The following UCHL3 variants were observed in gnomAD, a reference collection of about 807,000 sequenced individuals.
UCHL3 encodes ubiquitin C-terminal hydrolase L3.
In UCHL3, 22 loss-of-function variants were observed where a neutral mutation model predicts 35.8. That is an observed-to-expected ratio of 0.61 (90% confidence interval 0.44 to 0.88). UCHL3 has a LOEUF of 0.88. Among genes scored for constraint, UCHL3 ranks in the 40% least tolerant of loss-of-function variants. The pLI is 0.00. For missense variants in UCHL3, 229 were observed against 276.9 expected (o/e 0.83, Z 1.23); for synonymous variants, 90 against 92.8 (o/e 0.97, Z 0.17).
chr13:75,552,748 A>T (rs1240843862), intron 2 of UCHL3, among the ~76,000 whole-genome samples: 1 of 152,224 alleles, frequency 6.6e-6, no homozygotes, highest in Non-Finnish European at 1.5e-5. Flanking sequence ...TGCAGCTGAA[A>T]GTTACAGATA....
At chr13:75,569,204 C>T (rs1034606308) in intron 5 of UCHL3, 2 of 329,520 alleles carry the variant, frequency 6.1e-6, no homozygotes, top group Non-Finnish European at 5.4e-6. Context: ...ATGGCCCCTA[C>T]TTAGAGCCTG....
intron 7 of UCHL3, among the ~76,000 whole-genome samples, chr13:75,602,080 G>A (rs2032794494): frequency 6.6e-6 from 1 of 151,638 alleles, no homozygotes; most frequent in African/African-American, 2.4e-5. Context: ...CTGTACTCTA[G>A]CCTGGGCGAC....
intron 6 of UCHL3, among the ~76,000 whole-genome samples, chr13:75,573,988 C>T (rs569395312): frequency 1.8e-4 from 27 of 152,236 alleles, no homozygotes; most frequent in African/African-American, 6.0e-4. Context: ...GAGGCCGAGG[C>T]GGGCAGATCA....
chr13:75,561,695 A>G (rs2031500225), intron 3 of UCHL3, among the ~76,000 whole-genome samples: 1 of 151,928 alleles, frequency 6.6e-6, no homozygotes, highest in Non-Finnish European at 1.5e-5. Context: ...TGGGGATTAT[A>G]AATAGCTGTT....
intron 2 of UCHL3, among the ~76,000 whole-genome samples, chr13:75,557,300 A>G (rs1483910337): frequency 6.6e-6 from 1 of 152,148 alleles, no homozygotes; most frequent in East Asian, 1.9e-4. Context: ...CCTCACATAC[A>G]AGGGTCTCAA....
chr13:75,585,693 A>G (rs1321603421), intron 6 of UCHL3, among the ~76,000 whole-genome samples: 1 of 152,156 alleles, frequency 6.6e-6, no homozygotes, highest in African/African-American at 2.4e-5. Context: ...ACTATGTACT[A>G]TAAATTTATA....
At chr13:75,583,232 A>G (rs1415755076) in intron 6 of UCHL3, among the ~76,000 whole-genome samples, 1 of 152,208 alleles carries the variant, frequency 6.6e-6, no homozygotes, top group Non-Finnish European at 1.5e-5. Context: ...ATAAACAATT[A>G]CAATATATTG....
rs546461097 is a variant in UCHL3 at position 75,551,239 on chromosome 13, C to T, written c.54+1252C>T. On this transcript the variant is annotated intron_variant, in intron 2 of 8. Coordinates refer to ENST00000377595, the MANE Select transcript of UCHL3 (RefSeq NM_006002.5). ...TCACCTGAGGTCAGGAGTTCGAGAC[C>T]AGTCTGGCTGGTGAAACCCCGTCTC... is the stretch of plus-strand genomic sequence containing the variant. 5.5e-4 allele frequency among the ~76,000 whole-genome samples: 84 copies of T among 152,110 alleles called. 1 individual carries two copies. The South Asian group carries it at 0.017, about 30-fold the overall frequency.
At chr13:75,577,926 ATTG>A (rs2032072197) in intron 6 of UCHL3, among the ~76,000 whole-genome samples, 1 of 152,148 alleles carries the variant, frequency 6.6e-6, no homozygotes, top group Admixed American at 6.6e-5. Context: ...CTTATGATTT[ATTG>A]TTTAACTTTT....
At chr13:75,592,480 A>G (rs2032538032) in intron 6 of UCHL3, among the ~76,000 whole-genome samples, 1 of 87,382 alleles carries the variant, frequency 1.1e-5, no homozygotes, top group African/African-American at 3.5e-5. Flanking sequence ...AGGAAAAAAG[A>G]TCCCATCTAT....
chr13:75,566,446 A>G (rs1194181206), intron 3 of UCHL3, among the ~76,000 whole-genome samples: 2 of 152,216 alleles, frequency 1.3e-5, no homozygotes, highest in Non-Finnish European at 2.9e-5. Context: ...CTGTAACGTG[A>G]TCGTACAAAT....
chr13:75,554,851 C>G (rs1690724815), intron 2 of UCHL3, among the ~76,000 whole-genome samples: 1 of 152,116 alleles, frequency 6.6e-6, no homozygotes, highest in Non-Finnish European at 1.5e-5. Context: ...TATTTCATCA[C>G]CCAGGTACTA....
At chr13:75,602,108 C>CA (rs36015067) in intron 7 of UCHL3, among the ~76,000 whole-genome samples, 75,201 of 150,790 alleles carry the variant, frequency 0.5, 18,897 homozygotes, top group Non-Finnish European at 0.53. Flanking sequence ...GACTCTGTCT[C>CA]AAAAAAAACA....
rs141870275 is a variant in UCHL3 at position 75,566,741 on chromosome 13, G to T, written c.230G>T (p.Gly77Val). 4 of 1,603,500 alleles carry T rather than the reference G, an allele frequency of 2.5e-6. No individual in the cohort carries two copies. Among genetic ancestry groups the T allele is most frequent in the Non-Finnish European group, 3.4e-6 (4 of 1,175,282 alleles). Residue 77 changes from glycine (G) to valine (V), a missense_variant, in exon 4 of 9, where the codon GGA (glycine) becomes GTA (valine). Physicochemically the swap from Gly to Val is moderately radical, Grantham distance 109. Coordinates refer to ENST00000377595, the MANE Select transcript of UCHL3 (RefSeq NM_006002.5). ...TEEEEKIKSQ[G>V]QDVTSSVYFM... ...GAGGAAGAAAAAATAAAATCTCAGG[G>T]ACAAGATGTTACATCATCAGTATAT...
chr13:75,562,708 A>G (rs1385181607), intron 3 of UCHL3, among the ~76,000 whole-genome samples: 2 of 152,168 alleles, frequency 1.3e-5, no homozygotes, highest in African/African-American at 2.4e-5. Flanking sequence ...TTAAAAAGGC[A>G]TATTATCCTT....
At chr13:75,573,329 T>C (rs1211492256) in intron 6 of UCHL3, among the ~76,000 whole-genome samples, 1 of 152,102 alleles carries the variant, frequency 6.6e-6, no homozygotes, top group Non-Finnish European at 1.5e-5. Context: ...GGTGTATTAT[T>C]ATCTCCATTG....
chr13:75,592,452 A>ATG (rs71127560), intron 6 of UCHL3, among the ~76,000 whole-genome samples: 2 of 114,832 alleles, frequency 1.7e-5, no homozygotes, highest in Non-Finnish European at 3.7e-5. Flanking sequence ...ATATATATAT[A>ATG]TATATATATA....
intron 6 of UCHL3, among the ~76,000 whole-genome samples, chr13:75,577,950 G>A (rs1044527736): frequency 1.3e-5 from 2 of 151,810 alleles, no homozygotes. Flanking sequence ...TAAGTTTGTT[G>A]TACTGCCCAG....
At chr13:75,601,007 A>T (rs2032770595) in intron 7 of UCHL3, among the ~76,000 whole-genome samples, 1 of 152,208 alleles carries the variant, frequency 6.6e-6, no homozygotes, top group South Asian at 2.1e-4. Context: ...GGGGTTTAAG[A>T]CTTCATTGGA....
Sources: allele counts gnomAD v4.1 joint callset (sites outside exome capture counted in the v4.1 genomes callset), GRCh38; gene constraint gnomAD v4.1.1; transcripts MANE v1.5; gene names NCBI Gene and HGNC (gene_info 2026-07-23, HGNC 2026-07-21).